The following EYA3 variants were observed in gnomAD, a reference collection of about 807,000 sequenced individuals.
EYA3 encodes the protein EYA transcriptional coactivator and phosphatase 3.
Under a neutral mutation model 80.0 loss-of-function variants are expected in EYA3, and 39 were observed. That is an observed-to-expected ratio of 0.49 (90% CI 0.38 to 0.64). EYA3 has a LOEUF of 0.64. EYA3 is among the 30% of genes least tolerant of loss of function. The pLI is 0.00. For missense variants in EYA3, 523 were observed against 676.1 expected (o/e 0.77, Z 2.51); for synonymous variants, 206 against 232.8 (o/e 0.88, Z 1.05).
chr1:27,979,414 C>G (rs1402744346), intron 16 of EYA3, among the ~76,000 whole-genome samples: 2 of 152,084 alleles, frequency 1.3e-5, no homozygotes, highest in African/African-American at 4.8e-5. Context: ...ACTTACTATA[C>G]CTTGTAGTTG....
chr1:28,035,485 A>C, intron 6 of EYA3, 59 bp downstream of exon 6: 1 of 1,587,976 alleles, frequency 6.3e-7, no homozygotes, highest in South Asian at 1.1e-5. Context: ...ATGGCTGATC[A>C]AAGTTTCTGC....
chr1:28,015,724 A>G (rs1642012980), intron 8 of EYA3, among the ~76,000 whole-genome samples: 2 of 152,236 alleles, frequency 1.3e-5, no homozygotes, highest in Non-Finnish European at 2.9e-5. Context: ...AAAACATTGG[A>G]GACGATAGCA....
At chr1:28,084,793 G>A (rs558754976) in intron 1 of EYA3, among the ~76,000 whole-genome samples, 1 of 150,832 alleles carries the variant, frequency 6.6e-6, no homozygotes, top group African/African-American at 2.4e-5. Flanking sequence ...TATTTTAGTA[G>A]AGATGGGGTT....
chr1:28,086,502 T>A (rs1645659195), intron 1 of EYA3, among the ~76,000 whole-genome samples: 1 of 152,250 alleles, frequency 6.6e-6, no homozygotes, highest in South Asian at 2.1e-4. Flanking sequence ...AATTTCTTTA[T>A]GTTTTGTAAA....
intron 6 of EYA3, among the ~76,000 whole-genome samples, chr1:28,033,842 T>C (rs1367460082): frequency 6.6e-6 from 1 of 151,012 alleles, no homozygotes; most frequent in Non-Finnish European, 1.5e-5. Flanking sequence ...GTATTTTTAA[T>C]AGAAACAGGG....
chr1:28,017,969 C>G (rs945254423), intron 7 of EYA3, among the ~76,000 whole-genome samples: 1 of 151,980 alleles, frequency 6.6e-6, no homozygotes, highest in African/African-American at 2.4e-5. Context: ...CCGAGGCAGG[C>G]AGATCATTTG....
intron 11 of EYA3, among the ~76,000 whole-genome samples, chr1:28,000,351 C>T (rs1042870906): frequency 6.6e-6 from 1 of 151,662 alleles, no homozygotes. Context: ...CTCACTCTGT[C>T]GCCCAGGCTG....
rs1553157587 is a variant in EYA3, at chr1:28,073,103, T to TTATATATACATATACA, written c.-68-15010_-68-15009insTGTATATGTATATATA. ...ATCCTTTTTGGGATTGATGAAACTA[T>TTATATATACATATACA]TATATATATATATATATATATATAT... On this transcript the variant is annotated intron_variant, in intron 1 of 17. Coordinates refer to ENST00000373871, the MANE Select transcript of EYA3 (RefSeq NM_001990.4). 6.9e-4 allele frequency among the ~76,000 whole-genome samples: 26 copies of TTATATATACATATACA among 37,750 alleles called. 1 individual carries two copies. Among genetic ancestry groups the TTATATATACATATACA allele is most frequent in the Non-Finnish European group, 9.4e-4 (22 of 23,428 alleles). 24.8% of individuals were successfully genotyped at this position (37,750 alleles called of 152,430 possible). A position where few individuals can be genotyped will look rare whatever the true frequency, so the allele number is the denominator to read the frequency against.
At chr1:28,064,376 CTCTATA>C (rs1418537968) in intron 1 of EYA3, among the ~76,000 whole-genome samples, 20 of 111,816 alleles carry the variant, frequency 1.8e-4, no homozygotes, top group African/African-American at 5.4e-4. Context: ...CTCTCTCTCT[CTCTATA>C]TATATATATA....
At chr1:27,993,367 C>CA (rs1400785004) in intron 14 of EYA3, 33 bp downstream of exon 14, 1 of 1,589,970 alleles carries the variant, frequency 6.3e-7, no homozygotes, top group Non-Finnish European at 8.5e-7. Flanking sequence ...CAGGAAGAAA[C>CA]AGAGAATCAG....
intron 1 of EYA3, among the ~76,000 whole-genome samples, chr1:28,079,534 T>C (rs1356417464): frequency 6.6e-6 from 1 of 152,142 alleles, no homozygotes; most frequent in Non-Finnish European, 1.5e-5. Flanking sequence ...GACCTAAACT[T>C]TGGACTGTTA....
intron 4 of EYA3, among the ~76,000 whole-genome samples, chr1:28,041,617 AAGGT>A (rs1435975537): frequency 6.6e-6 from 1 of 152,052 alleles, no homozygotes; most frequent in Non-Finnish European, 1.5e-5. Flanking sequence ...TAAAAATAGA[AAGGT>A]AGGGGAAGGT....
At chr1:28,028,774 T>TTTG (rs553877578) in intron 6 of EYA3, among the ~76,000 whole-genome samples, 24 of 152,062 alleles carry the variant, frequency 1.6e-4, no homozygotes, top group East Asian at 1.3e-3. Context: ...ATTGTGATTT[T>TTTG]TTGTTGTTGT....
At chr1:28,052,134 G>A (rs960478262) in intron 2 of EYA3, among the ~76,000 whole-genome samples, 13 of 151,910 alleles carry the variant, frequency 8.6e-5, no homozygotes, top group African/African-American at 2.2e-4. Flanking sequence ...TTGGCCTCCC[G>A]AGTAGCTGGG....
At chr1:28,053,955 G>A (rs771602173) in intron 2 of EYA3, among the ~76,000 whole-genome samples, 8 of 152,168 alleles carry the variant, frequency 5.3e-5, no homozygotes, top group Non-Finnish European at 1.0e-4. Context: ...GCTAGTGCTA[G>A]GTAAATTGTA....
chr1:27,996,585 C>T (rs1640473812), intron 13 of EYA3, among the ~76,000 whole-genome samples: 1 of 152,190 alleles, frequency 6.6e-6, no homozygotes, highest in Non-Finnish European at 1.5e-5. Context: ...CTCAGCTCTA[C>T]CTGACTAGGT....
intron 10 of EYA3, among the ~76,000 whole-genome samples, chr1:28,007,478 G>T (rs945771227): frequency 6.6e-6 from 1 of 151,714 alleles, no homozygotes; most frequent in Admixed American, 6.6e-5. Flanking sequence ...GGGGTTACAG[G>T]CGCCTGCCAC....
chr1:28,072,552 G>A (rs1213605369), intron 1 of EYA3, among the ~76,000 whole-genome samples: 1 of 152,080 alleles, frequency 6.6e-6, no homozygotes, highest in African/African-American at 2.4e-5. Flanking sequence ...GCCAAATGCT[G>A]GCAAGGATGT....
chr1:28,034,825 T>C (rs1338869902), intron 6 of EYA3, among the ~76,000 whole-genome samples: 1 of 152,156 alleles, frequency 6.6e-6, no homozygotes, highest in African/African-American at 2.4e-5. Context: ...TATTTTTAAA[T>C]AATATAGTAT....
Sources: allele counts gnomAD v4.1 joint callset (sites outside exome capture counted in the v4.1 genomes callset), GRCh38; gene constraint gnomAD v4.1.1; transcripts MANE v1.5; gene names NCBI Gene and HGNC (gene_info 2026-07-23, HGNC 2026-07-21).